FASN: variants seen among roughly 807,000 people sequenced by gnomAD.
FASN encodes fatty acid synthase, also known as 3-hydroxyacyl-[acyl-carrier-protein] dehydratase.
Under a neutral mutation model 250.0 loss-of-function variants are expected in FASN, and 50 were observed. The observed-to-expected ratio is 0.20, with a 90% CI of 0.16 to 0.25. FASN has a LOEUF of 0.25. FASN is among the 10% of genes least tolerant of loss of function. The pLI, the probability that FASN is intolerant of heterozygous loss-of-function variation, is 1.00. For missense variants in FASN, 3,031 were observed against 3,498.5 expected (o/e 0.87, Z 3.37); for synonymous variants, 1,909 against 1,584.0 (o/e 1.21, Z -4.87).
chr17:82,091,166 G>A (rs2034198775), intron 9 of FASN, 56 bp downstream of exon 9: 1 of 1,598,694 alleles, frequency 6.3e-7, no homozygotes, highest in South Asian at 1.1e-5. Context: ...ACCAGCTCCA[G>A]TTCGCCTGCC....
Position 82,090,915 on chromosome 17 carries a change from G to C in FASN, c.1647C>G (p.Ile549Met). The C allele has an allele frequency of 6.2e-7, 1 of 1,607,928 alleles. No homozygotes were observed. Among genetic ancestry groups the C allele is most frequent in the Non-Finnish European group, 8.5e-7 (1 of 1,177,764 alleles). The change falls in exon 10 of 43, where the codon ATC becomes ATG. Residue 549 changes from isoleucine to methionine, a missense_variant. By Grantham distance (10) the Ile-to-Met change is conservative. Coordinates refer to ENST00000306749, the MANE Select transcript of FASN (RefSeq NM_004104.5). ...CAGTCAGGCTCACAAACGAATGGACGATGTCATCAAAGGTGCTCTCGTCTG... is the reference window on the plus strand; with the variant it reads ...CAGTCAGGCTCACAAACGAATGGACCATGTCATCAAAGGTGCTCTCGTCTG... The part of the protein sequence containing the change: ...LSTDESTFDD[I>M]VHSFVSLTAI...
chr17:82,089,474 A>T, intron 12 of FASN, 90 bp from the exon 13 acceptor site: 1 of 1,606,444 alleles, frequency 6.2e-7, no homozygotes, highest in Non-Finnish European at 8.5e-7. Context: ...ACCCCAAGGG[A>T]ACCGAGAGGG....
intron 9 of FASN, 60 bp from the exon 10 acceptor site, chr17:82,091,129 C>A: frequency 6.2e-7 from 1 of 1,605,188 alleles, no homozygotes. Context: ...GTGCCCATCC[C>A]CGTCCCAGAG....
At chr17:82,085,992 G>A (rs1417316239) in intron 22 of FASN, 121 bp from the exon 23 acceptor site, 2 of 1,321,960 alleles carry the variant, frequency 1.5e-6, no homozygotes, top group Admixed American at 2.6e-5. Flanking sequence ...CCTGATGACG[G>A]TGCCAGCCAT....
Position 82,087,464 on chromosome 17 carries a change from G to A in FASN, c.3084C>T (p.Ser1028=). The A allele has an allele frequency of 1.2e-6, 2 of 1,612,656 alleles. No homozygotes were observed. The highest frequency in any genetic ancestry group is 1.7e-6 in the Non-Finnish European group (2 of 1,179,998). The part of the protein sequence containing the change: ...GRLLWKDNWV[S]FMDTMLQMSI... The stretch of plus-strand genomic sequence containing the variant: ...ACATCTGCAGCATGGTGTCCATGAA[G>A]CTCACCCAGTTATCCTTCCACAGCA... The change falls in exon 20 of 43, where the codon AGC becomes AGT. Residue 1028 remains serine, a synonymous_variant. Transcript: ENST00000306749.
chr17:82,086,517 G>A lies in FASN; in HGVS notation c.3469C>T (p.Leu1157=), dbSNP rs780514015. 1.9e-6 allele frequency: 3 copies of A among 1,612,354 alleles called. No homozygotes were observed. The highest frequency in any genetic ancestry group is 2.5e-6 in the Non-Finnish European group (3 of 1,179,982). ...TCCAGTCCGGGCACCACCATCTTCAGCCCCTGCTGGGTCACCTTGGTCTGC... is the reference window on the plus strand; with the variant it reads ...TCCAGTCCGGGCACCACCATCTTCAACCCCTGCTGGGTCACCTTGGTCTGC... ...ALQTKVTQQG[L]KMVVPGLDGA... is the part of the protein sequence containing the mutation. Residue 1157 remains leucine (L), a synonymous_variant, in exon 22 of 43, where the codon CTG becomes TTG. Coordinates refer to ENST00000306749, the MANE Select transcript of FASN (RefSeq NM_004104.5).
Position 82,082,936 on chromosome 17 carries a change from A to T in FASN, c.5745T>A (p.Thr1915=), listed in dbSNP as rs377383020. Residue 1915 remains threonine (T), a synonymous_variant, in exon 33 of 43, where the codon ACT becomes ACA. Coordinates refer to ENST00000306749, the MANE Select transcript of FASN (RefSeq NM_004104.5). ...CACCTGTCCGGATCCCGGAGCGAGA[A>T]GTCAACACGAGCTTCTGCACCCCAC... ...IQRGVQKLVL[T]SRSGIRTGYQ... 6.0e-5 allele frequency: 97 copies of T among 1,612,786 alleles called. No homozygotes were observed. Among genetic ancestry groups the T allele is most frequent in the Admixed American group, 5.0e-4 (30 of 60,030 alleles).
rs746732861 is a variant in FASN, at chr17:82,083,033, G to A, written c.5648C>T (p.Ala1883Val). The A allele has an allele frequency of 1.9e-6, 3 of 1,612,708 alleles. No homozygotes were observed. Among genetic ancestry groups the A allele is most frequent in the African/African-American group, 2.7e-5 (2 of 74,918 alleles). ...ACCAGCGATGATGTAGCTCTTGTGG[G>A]CCGGGCAGAAGGTCTTGGAGATGGC... ...MSAISKTFCP[A>V]HKSYIIAGGL... Residue 1883 changes from alanine (A) to valine (V), a missense_variant, in exon 33 of 43, where the codon GCC becomes GTC. Coordinates refer to ENST00000306749, the MANE Select transcript of FASN (RefSeq NM_004104.5).
rs775193159 is a variant in FASN, at chr17:82,087,087, C to T, written c.3390G>A (p.Glu1130=). 13 of 1,611,624 alleles carry T rather than the reference C, an allele frequency of 8.1e-6. No homozygotes were observed. Among genetic ancestry groups the T allele is most frequent in the Non-Finnish European group, 1.1e-5 (13 of 1,179,948 alleles). ...TPHTEEGCLS[E]RAALQEELQL... ...GCAGCTCCTCCTGCAGGGCAGCGCGCTCAGACAGGCACCCCTCCTCCGTGT... is the reference window on the plus strand; with the variant it reads ...GCAGCTCCTCCTGCAGGGCAGCGCGTTCAGACAGGCACCCCTCCTCCGTGT... Residue 1130 remains glutamate, a synonymous_variant, in exon 21 of 43, where the codon GAG becomes GAA. Coordinates refer to ENST00000306749, the MANE Select transcript of FASN (RefSeq NM_004104.5).
Position 82,083,210 on chromosome 17 carries a change from C to T in FASN, c.5557G>A (p.Val1853Ile), listed in dbSNP as rs527759350. Residue 1853 changes from valine (V) to isoleucine (I), a missense_variant, in exon 32 of 43, where the codon GTC becomes ATC. Val to Ile is a conservative substitution (Grantham distance 29). Transcript: ENST00000306749. The stretch of plus-strand genomic sequence containing the variant: ...GGGACTCCTCCCCTCACCTGCACGA[C>T]GACTTTGCCAATGTGCTTCCCTTGG... ...MAQGKHIGKV[V>I]VQVLAEEPEA... 27 of 1,612,648 alleles carry T rather than the reference C, an allele frequency of 1.7e-5. No individual in the cohort carries two copies. Among genetic ancestry groups the T allele is most frequent in the East Asian group, 1.3e-4 (6 of 44,880 alleles).
chr17:82,095,463 C>T lies in FASN; in HGVS notation c.137G>A (p.Gly46Asp), dbSNP rs772395979. 3.7e-6 allele frequency: 6 copies of T among 1,612,332 alleles called. No individual in the cohort carries two copies. The Admixed American group carries it at 1.0e-4, about 27-fold the overall frequency. Residue 46 changes from glycine to aspartate, a missense_variant, in exon 3 of 43, where the codon GGC (glycine) becomes GAC (aspartate). Gly to Asp is a moderately conservative substitution (Grantham distance 94, BLOSUM62 -1). Transcript: ENST00000306749. ...CAGCTTGCCGGACCGCCGGGGCAGGCCGTAGAGCCCTGTGGGACAGGCGGG... is the reference window on the plus strand; with the variant it reads ...CAGCTTGCCGGACCGCCGGGGCAGGTCGTAGAGCCCTGTGGGACAGGCGGG... ...DDRRWKAGLYGLPRRSGKLKD... is the reference protein window; with the variant it reads ...DDRRWKAGLYDLPRRSGKLKD...
chr17:82,087,304 C>T (rs2034122702), intron 20 of FASN, 21 bp downstream of exon 20: 1 of 1,603,700 alleles, frequency 6.2e-7, no homozygotes, highest in Non-Finnish European at 8.5e-7. Flanking sequence ...GGGCACTGGG[C>T]TGGGGCTGGG....
At chr17:82,086,151 C>T in intron 22 of FASN, 103 bp downstream of exon 22, 3 of 1,520,170 alleles carry the variant, frequency 2.0e-6, no homozygotes, top group Non-Finnish European at 1.8e-6. Flanking sequence ...GCCCCACCCA[C>T]CGCCCAGGGC....
Position 82,084,640 on chromosome 17 carries a change from G to A in FASN, c.4641C>T (p.Val1547=), listed in dbSNP as rs2034055924. The A allele has an allele frequency of 6.2e-7, 1 of 1,600,100 alleles. No individual in the cohort carries two copies. The highest frequency in any genetic ancestry group is 8.5e-7 in the Non-Finnish European group (1 of 1,174,310). Reference sequence around the variant, plus strand: ...GCTGGGCATGGCGCAGCGAGGAGCAGACCCAGCGGATGGAGGACAGGTCCC... The same window carrying A: ...GCTGGGCATGGCGCAGCGAGGAGCAAACCCAGCGGATGGAGGACAGGTCCC... The part of the protein sequence containing the change: ...TRGDLSSIRW[V]CSSLRHAQPT... Residue 1547 remains valine, a synonymous_variant, in exon 27 of 43, where the codon GTC becomes GTT. Transcript: ENST00000306749.
chr17:82,084,669 G>A lies in FASN; in HGVS notation c.4612C>T (p.Arg1538Trp), dbSNP rs1030974325. Residue 1538 changes from arginine to tryptophan, a missense_variant, in exon 27 of 43, where the codon CGG (arginine) becomes TGG (tryptophan). Transcript: ENST00000306749. ...CAGCGGATGGAGGACAGGTCCCCCC[G>A]GGTGAGGGTGCTCACAAAGGCATGT... ...TAHAFVSTLT[R>W]GDLSSIRWVC... is the part of the protein sequence containing the mutation. The A allele has an allele frequency of 7.6e-6, 12 of 1,585,126 alleles. No homozygotes were observed. Among genetic ancestry groups the A allele is most frequent in the East Asian group, 2.3e-5 (1 of 43,454 alleles).
chr17:82,082,839 G>T, intron 33 of FASN, 75 bp downstream of exon 33: 1 of 1,576,984 alleles, frequency 6.3e-7, no homozygotes, highest in South Asian at 1.1e-5. Context: ...CACAATGGTG[G>T]GCTGCAGAGA....
In FASN at chr17:82,084,236, G is replaced by C. The variant is rs756255382; in HGVS notation, c.4917C>G (p.Asn1639Lys). 1.2e-5 allele frequency: 19 copies of C among 1,611,790 alleles called. No individual in the cohort carries two copies. The South Asian group carries it at 1.9e-4, about 16-fold the overall frequency. ...SPDFLWDVPS[N>K]WTLEEAASVP... ...GCTCACACCCTCGACACACTCACCA[G>C]TTGGAAGGCACATCCCAGAGGAAGT... Residue 1639 changes from asparagine (N) to lysine (K), a missense_variant and splice_region_variant, in exon 28 of 43, where the codon AAC becomes AAG. Physicochemically the swap from Asn to Lys is moderately conservative, Grantham distance 94 (BLOSUM62 0). Transcript: ENST00000306749.
In FASN at chr17:82,092,464, G is replaced by A; in HGVS notation, c.1020C>T (p.Ala340=). Reference sequence around the variant, plus strand: ...GCCCAGCCCCACCTACCTTGGCCAGGGCTGCCAGCCCCGAGGCTGGCTCCG... The same window carrying A: ...GCCCAGCCCCACCTACCTTGGCCAGAGCTGCCAGCCCCGAGGCTGGCTCCG... ...GHPEPASGLA[A]LAKVLLSLEH... is the part of the protein sequence containing the mutation. The change falls in exon 8 of 43, where the codon GCC becomes GCT. Residue 340 remains alanine (A), a synonymous_variant. Transcript: ENST00000306749. 6.3e-7 allele frequency: 1 copy of A among 1,575,422 alleles called. No homozygotes were observed. Among genetic ancestry groups the A allele is most frequent in the Non-Finnish European group, 8.6e-7 (1 of 1,163,470 alleles).
rs1324586473 is a variant in FASN, at chr17:82,087,488, C to A, written c.3060G>T (p.Leu1020=). The A allele has an allele frequency of 6.2e-7, 1 of 1,612,450 alleles. No individual in the cohort carries two copies. The highest frequency in any genetic ancestry group is 1.3e-5 in the African/African-American group (1 of 75,048). ...EASLEGDSGR[L]LWKDNWVSFM... is the part of the protein sequence containing the mutation. The stretch of plus-strand genomic sequence containing the variant: ...AGCTCACCCAGTTATCCTTCCACAG[C>A]AGCCTCCCCGAGTCACCTGCACACA... The change falls in exon 20 of 43, where the codon CTG becomes CTT. Residue 1020 remains leucine, a synonymous_variant. Coordinates refer to ENST00000306749, the MANE Select transcript of FASN (RefSeq NM_004104.5).
Sources: gnomAD v4.1 joint callset for allele counts on GRCh38, gnomAD v4.1.1 for gene constraint, MANE v1.5 for transcripts, NCBI Gene and HGNC (gene_info 2026-07-23, HGNC 2026-07-21) for gene names.